TRPM3: variants seen among roughly 807,000 people sequenced by gnomAD.
TRPM3 encodes transient receptor potential cation channel subfamily M member 3, also known as long transient receptor potential channel 3.
TRPM3 carries 77 observed loss-of-function variants against 181.2 expected under a neutral mutation model. The observed-to-expected ratio is 0.42, with a 90% confidence interval of 0.35 to 0.51. TRPM3 has a LOEUF of 0.51. TRPM3 is among the 20% of genes least tolerant of loss of function. TRPM3 has a pLI of 0.01. For missense variants in TRPM3, 1,759 were observed against 2,196.7 expected (o/e 0.80, Z 3.98); for synonymous variants, 745 against 796.4 (o/e 0.94, Z 1.09).
At chr9:70,947,598 A>G (rs1252904777) in intron 1 of TRPM3, among the ~76,000 whole-genome samples, 1 of 152,188 alleles carries the variant, frequency 6.6e-6, no homozygotes, top group African/African-American at 2.4e-5. Context: ...GGAATTAAAA[A>G]TTATCTTAGC....
chr9:70,605,672 T>G (rs1334340384), intron 19 of TRPM3, among the ~76,000 whole-genome samples: 1 of 152,142 alleles, frequency 6.6e-6, no homozygotes, highest in African/African-American at 2.4e-5. Context: ...GAGTACAGAC[T>G]GCAAAAAACA....
intron 22 of TRPM3, among the ~76,000 whole-genome samples, chr9:70,588,714 A>C (rs921611387): frequency 6.6e-6 from 1 of 152,210 alleles, no homozygotes; most frequent in African/African-American, 2.4e-5. Flanking sequence ...GCAGCATAAA[A>C]GATTTGTACC....
At chr9:70,778,476 C>A (rs1031910984) in intron 7 of TRPM3, among the ~76,000 whole-genome samples, 1 of 152,124 alleles carries the variant, frequency 6.6e-6, no homozygotes, top group African/African-American at 2.4e-5. Flanking sequence ...AAACAGTTTA[C>A]AAAAATAACC....
At chr9:70,611,245 G>A (rs771192654) in intron 18 of TRPM3, among the ~76,000 whole-genome samples, 12 of 150,870 alleles carry the variant, frequency 8.0e-5, no homozygotes, top group Non-Finnish European at 1.8e-4. Context: ...TATCTGCTGT[G>A]CCTGCAATTA....
At chr9:70,942,921 G>A (rs2096899481) in intron 1 of TRPM3, among the ~76,000 whole-genome samples, 1 of 152,006 alleles carries the variant, frequency 6.6e-6, no homozygotes, top group Non-Finnish European at 1.5e-5. Flanking sequence ...AAAACCACTG[G>A]CTTTGGGGAT....
At chr9:70,914,014 G>A (rs2096565054) in intron 1 of TRPM3, among the ~76,000 whole-genome samples, 1 of 152,178 alleles carries the variant, frequency 6.6e-6, no homozygotes, top group African/African-American at 2.4e-5. Flanking sequence ...AGCCTTCAAT[G>A]ACAGCCGATA....
At chr9:70,537,762 C>A (rs1261297114) in intron 25 of TRPM3, among the ~76,000 whole-genome samples, 1 of 152,080 alleles carries the variant, frequency 6.6e-6, no homozygotes, top group Non-Finnish European at 1.5e-5. Context: ...TCCACCATGG[C>A]CTAGCTGTGG....
chr9:70,531,833 T>C lies in TRPM3; in HGVS notation c.*4120A>G, dbSNP rs1205928358. On this transcript the variant is annotated 3_prime_UTR_variant, in exon 26 of 26. Coordinates refer to ENST00000677713, the MANE Select transcript of TRPM3 (RefSeq NM_001366145.2). ...AGCTCGCAGGACTCATTAGAGGATATACATCAGCTTACACACATATTTTAC... is the reference window on the plus strand; with the variant it reads ...AGCTCGCAGGACTCATTAGAGGATACACATCAGCTTACACACATATTTTAC... The C allele has an allele frequency of 5.3e-5, 8 of 152,158 alleles. No individual in the cohort carries two copies. Among genetic ancestry groups the C allele is most frequent in the African/African-American group, 1.9e-4 (8 of 41,436 alleles). 9.4% of individuals were successfully genotyped at this position (152,158 alleles called of 1,614,324 possible).
intron 1 of TRPM3, among the ~76,000 whole-genome samples, chr9:71,364,840 AC>A (rs1241342165): frequency 6.6e-6 from 1 of 152,358 alleles, no homozygotes; most frequent in East Asian, 1.9e-4. Flanking sequence ...ATTTACTGAT[AC>A]ACAAGAATAC....
chr9:71,263,700 G>A (rs1346547017), intron 1 of TRPM3, among the ~76,000 whole-genome samples: 1 of 152,170 alleles, frequency 6.6e-6, no homozygotes, highest in Non-Finnish European at 1.5e-5. Context: ...AGATGTCCAT[G>A]AATATGTACA....
chr9:70,852,105 C>T (rs1352091707), intron 3 of TRPM3, among the ~76,000 whole-genome samples: 18 of 112,144 alleles, frequency 1.6e-4, no homozygotes, highest in African/African-American at 5.4e-4. Flanking sequence ...CCAGCCCGGG[C>T]GACAAGAGCA....
At chr9:70,741,169 C>T (rs1034670747) in intron 8 of TRPM3, among the ~76,000 whole-genome samples, 1 of 152,008 alleles carries the variant, frequency 6.6e-6, no homozygotes, top group Non-Finnish European at 1.5e-5. Flanking sequence ...ATACAATTCT[C>T]GAAAGAAGAT....
chr9:70,878,733 A>T (rs1472196684), intron 1 of TRPM3, among the ~76,000 whole-genome samples: 1 of 152,052 alleles, frequency 6.6e-6, no homozygotes, highest in African/African-American at 2.4e-5. Flanking sequence ...GGCCAACACC[A>T]GTTTATGAAC....
At chr9:71,247,285 T>C (rs1588123886) in intron 1 of TRPM3, among the ~76,000 whole-genome samples, 1 of 122,640 alleles carries the variant, frequency 8.2e-6, no homozygotes, top group East Asian at 2.4e-4. Context: ...ACCTGGGAGG[T>C]GGGGGTTGCA....
chr9:71,308,534 T>C lies in TRPM3; in HGVS notation c.183+138119A>G, dbSNP rs140511613. On this transcript the variant is annotated intron_variant, in intron 1 of 24. Coordinates refer to the TRPM3 transcript ENST00000357533. ...TTCATTAAAATACCTATTCTAAAGA[T>C]AGTATTTAACACTCTTAAAGAACCT... Among the ~76,000 whole-genome samples, 1,301 of 152,296 alleles carry C rather than the reference T, an allele frequency of 8.5e-3. 14 individuals are homozygous for C. The highest frequency in any genetic ancestry group is 0.029 in the African/African-American group (1,203 of 41,564).
rs1280380255 is a variant in TRPM3, at chr9:71,225,149, A to C, written c.183+221504T>G. ...ACAGAACACTAAGCAGATTTAACCC[A>C]AAAAAACACTATCTTATGGTATTTA... On this transcript the variant is annotated intron_variant, in intron 1 of 24. Coordinates refer to the TRPM3 transcript ENST00000357533. Among the ~76,000 whole-genome samples, 5 of 152,080 alleles carry C rather than the reference A, an allele frequency of 3.3e-5. No homozygotes were observed. The South Asian group carries it at 8.3e-4, about 25-fold the overall frequency.
At chr9:70,609,676 C>T (rs573476102) in intron 19 of TRPM3, among the ~76,000 whole-genome samples, 1 of 152,324 alleles carries the variant, frequency 6.6e-6, no homozygotes, top group South Asian at 2.1e-4. Context: ...TAGAGAAACC[C>T]AGCTTTAAAG....
At chr9:70,977,380 G>A (rs780928889) in intron 1 of TRPM3, among the ~76,000 whole-genome samples, 11 of 152,102 alleles carry the variant, frequency 7.2e-5, no homozygotes, top group Admixed American at 2.0e-4. Flanking sequence ...GTGATCCCCC[G>A]GCATTGGCCT....
At chr9:70,935,398 A>G (rs2096819704) in intron 1 of TRPM3, among the ~76,000 whole-genome samples, 1 of 152,158 alleles carries the variant, frequency 6.6e-6, no homozygotes, top group South Asian at 2.1e-4. Flanking sequence ...ATGCTGTTGG[A>G]TGAAGTAAAG....
Sources: allele counts gnomAD v4.1 joint callset (sites outside exome capture counted in the v4.1 genomes callset), GRCh38; gene constraint gnomAD v4.1.1; transcripts MANE v1.5; gene names NCBI Gene and HGNC (gene_info 2026-07-23, HGNC 2026-07-21).